GSG1L: variants seen among roughly 807,000 people sequenced by gnomAD.
GSG1L encodes the protein GSG1 like.
A neutral mutation model predicts 42.1 loss-of-function variants in GSG1L; 24 were observed. The ratio of observed to expected loss-of-function variants is 0.57; its 90% CI spans 0.41 to 0.80. The LOEUF is 0.80. Ranked by LOEUF, GSG1L falls within the 30% of genes least tolerant of loss-of-function variation. GSG1L has a pLI of 0.00. For missense variants in GSG1L, 445 were observed against 472.2 expected (o/e 0.94, Z 0.53); for synonymous variants, 215 against 203.5 (o/e 1.06, Z -0.48).
At position 28,063,546 on chromosome 16, in the gene GSG1L, G is replaced by C. The variant is rs1401055187; in HGVS notation, c.-122C>G. On this transcript the variant is annotated 5_prime_UTR_variant, in exon 1 of 7. Coordinates refer to ENST00000447459, the MANE Select transcript of GSG1L (RefSeq NM_001109763.2). The surrounding 1 kb of genome is among the most constrained non-coding windows in gnomAD (Gnocchi z 5.8). Reference sequence around the variant, plus strand: ...CCCCGGGGCTCGGGTGCCTGAGATCGGCGGCGGCGGACGCGGCGCGGGCCC... The same window carrying C: ...CCCCGGGGCTCGGGTGCCTGAGATCCGCGGCGGCGGACGCGGCGCGGGCCC... The C allele has an allele frequency of 2.1e-6, 1 of 469,004 alleles. No homozygotes were observed. The highest frequency in any genetic ancestry group is 2.9e-6 in the Non-Finnish European group (1 of 347,258). 29.1% of individuals were successfully genotyped at this position (469,004 alleles called of 1,614,324 possible).
At chr16:27,833,747 T>C (rs893346112) in intron 4 of GSG1L, among the ~76,000 whole-genome samples, 2 of 152,182 alleles carry the variant, frequency 1.3e-5, no homozygotes, top group Non-Finnish European at 2.9e-5. Flanking sequence ...GAATGTTCAT[T>C]GCTAGTTTAT....
chr16:27,865,509 TTCTC>T (rs765815564), intron 3 of GSG1L, among the ~76,000 whole-genome samples: 49 of 120,790 alleles, frequency 4.1e-4, no homozygotes, highest in Non-Finnish European at 7.1e-4. Context: ...GCTTCTTTCT[TTCTC>T]TCTCTCTTTC....
At chr16:27,877,946 G>A (rs1481750656) in intron 3 of GSG1L, among the ~76,000 whole-genome samples, 1 of 152,194 alleles carries the variant, frequency 6.6e-6, no homozygotes, top group Non-Finnish European at 1.5e-5. Context: ...GTGGCTGCAG[G>A]CAAGTCAGTT....
rs1230850674 is a variant in GSG1L at position 27,788,602 on chromosome 16, C to T, written c.*2768G>A. 6.6e-6 allele frequency: 1 copy of T among 152,208 alleles called. No homozygotes were observed. Among genetic ancestry groups the T allele is most frequent in the Admixed American group, 6.5e-5 (1 of 15,274 alleles). 9.4% of individuals were successfully genotyped at this position (152,208 alleles called of 1,614,324 possible). A position where few individuals can be genotyped will look rare whatever the true frequency, so the allele number is the denominator to read the frequency against. On this transcript the variant is annotated 3_prime_UTR_variant, in exon 7 of 7. Transcript: ENST00000447459. ...TAATGTACTTTCTTTCCCTGCTATA[C>T]TCTTGCCTGGCTGATGCCCAGACAA...
Position 28,033,980 on chromosome 16 carries a change from C to T in GSG1L, c.349+29096G>A, listed in dbSNP as rs2085997965. On this transcript the variant is annotated intron_variant, in intron 1 of 6. Transcript: ENST00000447459. Reference sequence around the variant, plus strand: ...ACACACACATAAATGTTGGCAATATCTCAGCCCATCTTAGAGATCAGAGAC... The same window carrying T: ...ACACACACATAAATGTTGGCAATATTTCAGCCCATCTTAGAGATCAGAGAC... Among the ~76,000 whole-genome samples the T allele has an allele frequency of 2.0e-5, 3 of 152,186 alleles. 1 individual carries two copies. In the South Asian group the frequency reaches 6.2e-4, roughly 32 times the overall value.
chr16:27,799,630 G>T (rs551140306), intron 6 of GSG1L, among the ~76,000 whole-genome samples: 3 of 152,308 alleles, frequency 2.0e-5, no homozygotes, highest in South Asian at 2.1e-4. Flanking sequence ...AAAGAAAAAT[G>T]ATGATGCAGG....
intron 2 of GSG1L, among the ~76,000 whole-genome samples, chr16:27,939,299 A>G (rs2084758823): frequency 6.6e-6 from 1 of 151,932 alleles, no homozygotes. Flanking sequence ...TTTAAAATAC[A>G]TTATTTTGTG....
In GSG1L at chr16:27,869,644, CCTCT is replaced by C. The variant is rs143517987; in HGVS notation, c.550+14838_550+14841del. 5.7e-5 allele frequency among the ~76,000 whole-genome samples: 7 copies of C among 123,526 alleles called. 1 individual carries two copies. Among genetic ancestry groups the C allele is most frequent in the African/African-American group, 2.0e-4 (6 of 30,260 alleles). 81.0% of individuals were successfully genotyped at this position (123,526 alleles called of 152,430 possible). A position where few individuals can be genotyped will look rare whatever the true frequency, so the allele number is the denominator to read the frequency against. Reference sequence around the variant, plus strand: ...CCTCTCTGCGTCTCCATCTCTCTCTCCTCTCTGTCTTCCTCCATCTCTCTCTCTC... The same window carrying C: ...CCTCTCTGCGTCTCCATCTCTCTCTCCTGTCTTCCTCCATCTCTCTCTCTC... On this transcript the variant is annotated intron_variant, in intron 3 of 6. Coordinates refer to ENST00000447459, the MANE Select transcript of GSG1L (RefSeq NM_001109763.2).
chr16:27,870,347 C>T (rs1567496877), intron 3 of GSG1L, among the ~76,000 whole-genome samples: 1 of 149,638 alleles, frequency 6.7e-6, no homozygotes, highest in Non-Finnish European at 1.5e-5. Context: ...TCTGTCTCTC[C>T]TTCTGTCTCT....
intron 2 of GSG1L, among the ~76,000 whole-genome samples, chr16:27,938,074 G>C (rs1372656760): frequency 2.0e-5 from 3 of 152,128 alleles, no homozygotes; most frequent in Non-Finnish European, 4.4e-5. Context: ...TTGGAGCCGG[G>C]TCCAGCTCAG....
intron 3 of GSG1L, among the ~76,000 whole-genome samples, chr16:27,875,517 C>T (rs1205108479): frequency 1.3e-5 from 2 of 152,258 alleles, no homozygotes; most frequent in Non-Finnish European, 2.9e-5. Context: ...CCTGGGGCAC[C>T]GGATCGTTCG....
chr16:27,945,907 G>A (rs905408597), intron 2 of GSG1L, among the ~76,000 whole-genome samples: 21 of 152,386 alleles, frequency 1.4e-4, no homozygotes, highest in African/African-American at 4.8e-4. Context: ...GCCAGCAGAT[G>A]GGATGCCTGA....
At chr16:27,852,768 G>T (rs1394781448) in intron 3 of GSG1L, among the ~76,000 whole-genome samples, 2 of 152,204 alleles carry the variant, frequency 1.3e-5, no homozygotes, top group Admixed American at 6.5e-5. Flanking sequence ...AAGTGGTTGG[G>T]TGGGGATGGT....
intron 6 of GSG1L, among the ~76,000 whole-genome samples, chr16:27,792,605 T>A: frequency 6.6e-6 from 1 of 152,008 alleles, no homozygotes; most frequent in East Asian, 1.9e-4. Flanking sequence ...GGAAGCCCCC[T>A]CTGACATCCT....
chr16:28,044,624 T>A (rs1170652689), intron 1 of GSG1L, among the ~76,000 whole-genome samples: 4 of 32,248 alleles, frequency 1.2e-4, no homozygotes, highest in East Asian at 2.6e-3. Context: ...CAACGAATGC[T>A]TTTTTTTTTT....
In GSG1L at chr16:28,012,916, T is replaced by G. The variant is rs916656143; in HGVS notation, c.350-49713A>C. Among the ~76,000 whole-genome samples the G allele has an allele frequency of 4.0e-5, 6 of 148,484 alleles. No homozygotes were observed. The East Asian group carries it at 1.2e-3, about 29-fold the overall frequency. The stretch of plus-strand genomic sequence containing the variant: ...CTCAAAAAAAAAAAAAAAAGTTACT[T>G]CAATGCAATTTATAAAACTTACAAG... On this transcript the variant is annotated intron_variant, in intron 1 of 6. Transcript: ENST00000447459.
At chr16:27,861,154 G>A (rs1417278710) in intron 3 of GSG1L, among the ~76,000 whole-genome samples, 8 of 152,178 alleles carry the variant, frequency 5.3e-5, no homozygotes, top group Admixed American at 2.6e-4. Context: ...GATCACCTGA[G>A]GTCAGGAGTT....
At chr16:27,820,334 G>A (rs149273816) in intron 5 of GSG1L, among the ~76,000 whole-genome samples, 315 of 152,236 alleles carry the variant, frequency 2.1e-3, no homozygotes, top group Admixed American at 3.8e-3. Context: ...AGACGGCGTC[G>A]GCACACAGGA....
chr16:27,983,469 A>C (rs1401293812), intron 1 of GSG1L, among the ~76,000 whole-genome samples: 7 of 152,266 alleles, frequency 4.6e-5, no homozygotes, highest in Non-Finnish European at 7.3e-5. Context: ...TAAATGAGGT[A>C]ATACATGTGA....
Sources: gnomAD v4.1 joint callset for allele counts (sites outside exome capture counted in the v4.1 genomes callset) on GRCh38, gnomAD v4.1.1 for gene constraint, Gnocchi (gnomAD v3.1) non-coding constraint, MANE v1.5 for transcripts, NCBI Gene and HGNC (gene_info 2026-07-23, HGNC 2026-07-21) for gene names.